Variants in TMEM61 observed in about 807,000 individuals in gnomAD.
TMEM61 encodes the protein transmembrane protein 61.
TMEM61 carries 13 observed loss-of-function variants against 12.0 expected under a neutral mutation model. The ratio of observed to expected loss-of-function variants is 1.08; its 90% confidence interval spans 0.70 to 1.72. TMEM61 has a LOEUF of 1.72. Ranked by LOEUF, TMEM61 falls within the 40% of genes most tolerant of loss-of-function variation. The pLI, the probability that TMEM61 is intolerant of heterozygous loss-of-function variation, is 0.00. For missense variants in TMEM61, 249 were observed against 276.9 expected, an observed-to-expected ratio of 0.90 and a Z score of 0.71; for synonymous variants, 109 against 121.4, an observed-to-expected ratio of 0.90 and a Z score of 0.67.
At chr1:54,981,268 A>C (rs1644219204) in intron 1 of TMEM61, among the ~76,000 whole-genome samples, 188 bp downstream of exon 1, 1 of 152,200 alleles carries the variant, frequency 6.6e-6, no homozygotes, top group African/African-American at 2.4e-5. Context: ...CAATTGGGGA[A>C]CAAGAACAAA....
chr1:54,991,925 C>G lies in TMEM61; in HGVS notation c.455C>G (p.Thr152Arg). ...CCCCCAACACCACCTGCATACCCTA[C>G]GGAGGAAGCCCTGGAGCCAAGTGGA... ...EGPPTPPAYP[T>R]EEALEPSGSR... is the part of the protein sequence containing the mutation. Residue 152 changes from threonine to arginine, a missense_variant, in exon 3 of 3, where the codon ACG (threonine) becomes AGG (arginine). Coordinates refer to ENST00000371268, the MANE Select transcript of TMEM61 (RefSeq NM_182532.3). The G allele has an allele frequency of 6.2e-7, 1 of 1,614,162 alleles. No homozygotes were observed. The highest frequency in any genetic ancestry group is 2.2e-5 in the East Asian group (1 of 44,878).
intron 2 of TMEM61, 69 bp downstream of exon 2, chr1:54,986,515 C>T: frequency 1.5e-6 from 2 of 1,333,396 alleles, no homozygotes; most frequent in Non-Finnish European, 2.1e-6. Context: ...AGCCCACCAG[C>T]CAGCATTTGT....
intron 2 of TMEM61, among the ~76,000 whole-genome samples, chr1:54,987,329 TG>T (rs1644267511): frequency 6.6e-6 from 1 of 152,158 alleles, no homozygotes; most frequent in Non-Finnish European, 1.5e-5. Flanking sequence ...CACAAAGGTA[TG>T]GGGTTGGGGA....
chr1:54,983,485 A>G (rs560050297), intron 1 of TMEM61, among the ~76,000 whole-genome samples: 2 of 152,234 alleles, frequency 1.3e-5, no homozygotes, highest in African/African-American at 4.8e-5. Flanking sequence ...AGCAGCAACT[A>G]TTGTTTGGTA....
At chr1:54,981,570 A>G (rs1351053662) in intron 1 of TMEM61, among the ~76,000 whole-genome samples, 1 of 152,180 alleles carries the variant, frequency 6.6e-6, no homozygotes, top group Non-Finnish European at 1.5e-5. Flanking sequence ...ATGAGCCGAG[A>G]TCGCAGGACT....
In TMEM61 at chr1:54,987,095, C is replaced by T. The variant is rs571468538; in HGVS notation, c.365+649C>T. On this transcript the variant is annotated intron_variant, in intron 2 of 2. Coordinates refer to ENST00000371268, the MANE Select transcript of TMEM61 (RefSeq NM_182532.3). ...CACTAAGTAACTCAGCCAAGGACAT[C>T]AGATAGTGTGTGTCAGAACCAGGAC... Among the ~76,000 whole-genome samples, 5 of 152,318 alleles carry T rather than the reference C, an allele frequency of 3.3e-5. No homozygotes were observed. The South Asian group carries it at 1.0e-3, about 32-fold the overall frequency.
rs199650328 is a variant in TMEM61 at position 54,986,294 on chromosome 1, C to T, written c.213C>T (p.Phe71=). 7.5e-5 allele frequency: 121 copies of T among 1,614,054 alleles called. No homozygotes were observed. In the Middle Eastern group the frequency reaches 8.2e-4, roughly 11 times the overall value. The change falls in exon 2 of 3, where the codon TTC becomes TTT. Residue 71 remains phenylalanine, a synonymous_variant. Coordinates refer to ENST00000371268, the MANE Select transcript of TMEM61 (RefSeq NM_182532.3). ...GPSPLLRSVS[F]VCCGAGGLLL... ...GCCCCCTGCTCAGGTCCGTCAGCTT[C>T]GTCTGCTGCGGTGCAGGTGGCCTGC...
intron 2 of TMEM61, 50 bp downstream of exon 2, chr1:54,986,496 A>G: frequency 7.0e-7 from 1 of 1,422,396 alleles, no homozygotes; most frequent in Non-Finnish European, 9.5e-7. Context: ...GTAGGGGCCC[A>G]GTCACACCAG....
intron 2 of TMEM61, among the ~76,000 whole-genome samples, chr1:54,986,778 A>G (rs1644264248): frequency 6.6e-6 from 1 of 152,138 alleles, no homozygotes; most frequent in South Asian, 2.1e-4. Flanking sequence ...GCAGAGGGTT[A>G]AAAGCCTAGG....
At position 54,986,454 on chromosome 1, in the gene TMEM61, G is replaced by C; in HGVS notation, c.365+8G>C. 12 of 1,540,542 alleles carry C rather than the reference G, an allele frequency of 7.8e-6. No individual in the cohort carries two copies. Among genetic ancestry groups the C allele is most frequent in the Non-Finnish European group, 1.1e-5 (12 of 1,137,972 alleles). On this transcript the variant is annotated splice_region_variant and intron_variant, in intron 2 of 2. Transcript: ENST00000371268. ...AGAGAAGGAGAGCTGCAGGTCAGCA[G>C]GGCGGGGTGTGGCAGCGGGTGGGGA... is the stretch of plus-strand genomic sequence containing the variant.
intron 1 of TMEM61, 139 bp downstream of exon 1, chr1:54,981,219 A>C (rs1489212071): frequency 1.1e-6 from 1 of 948,230 alleles, no homozygotes; most frequent in Non-Finnish European, 1.5e-6. Flanking sequence ...CCTGGGTTTT[A>C]TCTTGCTGGG....
chr1:54,981,149 C>A, intron 1 of TMEM61, 69 bp downstream of exon 1: 1 of 1,519,794 alleles, frequency 6.6e-7, no homozygotes, highest in Non-Finnish European at 8.9e-7. Context: ...CTTGCCCCGA[C>A]CCCTTCCCCT....
At chr1:54,987,106 T>C (rs1176781475) in intron 2 of TMEM61, among the ~76,000 whole-genome samples, 1 of 152,222 alleles carries the variant, frequency 6.6e-6, no homozygotes, top group Non-Finnish European at 1.5e-5. Flanking sequence ...AGATAGTGTG[T>C]GTCAGAACCA....
chr1:54,988,033 A>T (rs929931684), intron 2 of TMEM61, among the ~76,000 whole-genome samples: 1 of 152,376 alleles, frequency 6.6e-6, no homozygotes, highest in Middle Eastern at 3.4e-3. Flanking sequence ...AATACTTGAA[A>T]TAGCATTTAC....
chr1:54,985,147 T>A (rs1644248832), intron 1 of TMEM61, among the ~76,000 whole-genome samples: 1 of 152,206 alleles, frequency 6.6e-6, no homozygotes, highest in African/African-American at 2.4e-5. Context: ...TACTCACCAT[T>A]TCTTTACAAT....
Position 54,992,272 on chromosome 1 carries a change from A to G in TMEM61, c.*169A>G. On this transcript the variant is annotated 3_prime_UTR_variant, in exon 3 of 3. Transcript: ENST00000371268. ...CCCCAGAATTTAGTGGCTTAAAATA[A>G]ATCCCATTTTATTATGTCTCACGAC... 1.2e-6 allele frequency: 1 copy of G among 818,030 alleles called. No individual in the cohort carries two copies. The highest frequency in any genetic ancestry group is 1.9e-6 in the Non-Finnish European group (1 of 534,154). The allele number at this position is 818,030 out of a possible 1,614,324, so 50.7% of individuals were successfully genotyped here. A position where few individuals can be genotyped will look rare whatever the true frequency, so the allele number is the denominator to read the frequency against.
chr1:54,986,297 C>T lies in TMEM61; in HGVS notation c.216C>T (p.Val72=), dbSNP rs1644259004. ...CCCTGCTCAGGTCCGTCAGCTTCGT[C>T]TGCTGCGGTGCAGGTGGCCTGCTGC... The part of the protein sequence containing the change: ...PSPLLRSVSF[V]CCGAGGLLLL... The change falls in exon 2 of 3, where the codon GTC becomes GTT. Residue 72 remains valine, a synonymous_variant. Coordinates refer to ENST00000371268, the MANE Select transcript of TMEM61 (RefSeq NM_182532.3). The T allele has an allele frequency of 3.7e-6, 6 of 1,614,072 alleles. No homozygotes were observed. The East Asian group carries it at 1.3e-4, about 36-fold the overall frequency.
In TMEM61 at chr1:54,987,426, C is replaced by CT. The variant is rs556843700; in HGVS notation, c.365+990dup. Among the ~76,000 whole-genome samples the CT allele has an allele frequency of 2.5e-4, 38 of 150,276 alleles. 1 individual carries two copies. The highest frequency in any genetic ancestry group is 6.1e-4 in the African/African-American group (25 of 41,012). On this transcript the variant is annotated intron_variant, in intron 2 of 2. Transcript: ENST00000371268. ...CCTGCCTTGTGCCATCCTTCTTAGA[C>CT]TTTTTTTTTTCCAAATCCTCTTCCA...
rs551870456 is a variant in TMEM61, at chr1:54,989,673, C to T, written c.366-2163C>T. Among the ~76,000 whole-genome samples, 47 of 152,346 alleles carry T rather than the reference C, an allele frequency of 3.1e-4. No homozygotes were observed. In the South Asian group the frequency reaches 9.7e-3, roughly 32 times the overall value. ...TTGGCGACTTGGAGCTGGGCGGGCC[C>T]AGCTGGTCACTAAGGTGACAGAAGG... On this transcript the variant is annotated intron_variant, in intron 2 of 2. Coordinates refer to ENST00000371268, the MANE Select transcript of TMEM61 (RefSeq NM_182532.3).
Sources: allele counts gnomAD v4.1 joint callset (sites outside exome capture counted in the v4.1 genomes callset), GRCh38; gene constraint gnomAD v4.1.1; transcripts MANE v1.5; gene names NCBI Gene and HGNC (gene_info 2026-07-23, HGNC 2026-07-21).